The following CELF2 variants were observed in gnomAD, a reference collection of about 807,000 sequenced individuals.
CELF2 encodes CUGBP Elav-like family member 2.
In CELF2, 8 loss-of-function variants were observed where a neutral mutation model predicts 62.6. That is an observed-to-expected ratio of 0.13 (90% CI 0.07 to 0.23). The LOEUF is 0.23. Ranked by LOEUF, CELF2 falls within the 10% of genes least tolerant of loss-of-function variation. The pLI is 1.00. For missense variants in CELF2, 333 were observed against 671.0 expected, an observed-to-expected ratio of 0.50 and a Z score of 5.56; for synonymous variants, 258 against 250.0, an observed-to-expected ratio of 1.03 and a Z score of -0.30.
At chr10:11,283,514 G>T (rs1240912260) in intron 8 of CELF2, among the ~76,000 whole-genome samples, 2 of 151,400 alleles carry the variant, frequency 1.3e-5, no homozygotes, top group African/African-American at 4.8e-5. Context: ...GTGGATAATG[G>T]ATGGATGGGT....
At chr10:10,578,942 G>A in the CELF2 span, among the ~76,000 whole-genome samples, 1 of 152,094 alleles carries the variant, frequency 6.6e-6, no homozygotes, top group African/African-American at 2.4e-5. Flanking sequence ...TGCATGTTGG[G>A]ACTCTTCAAC....
intron 1 of CELF2, among the ~76,000 whole-genome samples, chr10:10,881,345 T>A (rs1436069911): frequency 6.6e-6 from 1 of 152,224 alleles, no homozygotes; most frequent in Non-Finnish European, 1.5e-5. Context: ...GCGTACAGAA[T>A]TCATGAGTAA....
At chr10:11,016,657 G>T (rs140599124), upstream of CELF2, among the ~76,000 whole-genome samples, 4 of 152,262 alleles carry the variant, frequency 2.6e-5, no homozygotes, top group Admixed American at 2.6e-4. The surrounding 1 kb of genome is among the most constrained non-coding windows in gnomAD (Gnocchi z 5.2). Context: ...TTTGTAACTT[G>T]GTTGTTTAAC....
At chr10:11,149,571 G>A (rs530832770) in intron 1 of CELF2, among the ~76,000 whole-genome samples, 2 of 152,246 alleles carry the variant, frequency 1.3e-5, no homozygotes, top group African/African-American at 2.4e-5. Flanking sequence ...AAGTAAACCC[G>A]AGGCTTTGCG....
intron 1 of CELF2, among the ~76,000 whole-genome samples, chr10:11,150,601 A>G (rs1439485464): frequency 6.6e-6 from 1 of 152,260 alleles, no homozygotes; most frequent in Non-Finnish European, 1.5e-5. Context: ...CTTCCAGATC[A>G]GCAGTTGAGC....
chr10:10,585,319 C>A, the CELF2 span, among the ~76,000 whole-genome samples: 1 of 152,132 alleles, frequency 6.6e-6, no homozygotes, highest in Non-Finnish European at 1.5e-5. Context: ...ACACAGAGTT[C>A]CAGGACTGGC....
At chr10:11,026,003 T>A (rs1317912861) in intron 1 of CELF2, among the ~76,000 whole-genome samples, 1 of 152,230 alleles carries the variant, frequency 6.6e-6, no homozygotes, top group Non-Finnish European at 1.5e-5. Flanking sequence ...GGGGGCTTCT[T>A]CTGTTTCTCA....
chr10:11,278,855 C>G (rs1408381908), intron 8 of CELF2, among the ~76,000 whole-genome samples: 7 of 152,168 alleles, frequency 4.6e-5, no homozygotes. Context: ...ACCGCATGGC[C>G]GGGCAACTGA....
chr10:10,897,214 G>T (rs542716054), intron 1 of CELF2, among the ~76,000 whole-genome samples: 69 of 152,268 alleles, frequency 4.5e-4, no homozygotes, highest in African/African-American at 1.7e-3. Flanking sequence ...TAGATTGTTG[G>T]TAGAAATTAG....
chr10:10,832,773 A>G (rs953559445), intron 1 of CELF2, among the ~76,000 whole-genome samples: 2 of 152,186 alleles, frequency 1.3e-5, no homozygotes, highest in Admixed American at 1.3e-4. Flanking sequence ...AAATGGAAAT[A>G]CTTGCATAAA....
At chr10:10,747,002 C>G in the CELF2 span, among the ~76,000 whole-genome samples, 1 of 152,204 alleles carries the variant, frequency 6.6e-6, no homozygotes, top group Non-Finnish European at 1.5e-5. Flanking sequence ...AGAAAAGCAC[C>G]TACCTAGGCT....
At chr10:11,181,428 T>C (rs1218173166) in intron 2 of CELF2, among the ~76,000 whole-genome samples, 1 of 152,238 alleles carries the variant, frequency 6.6e-6, no homozygotes, top group Non-Finnish European at 1.5e-5. Flanking sequence ...TTTGTTCAAG[T>C]ACACTGAATT....
chr10:10,705,639 A>G, the CELF2 span, among the ~76,000 whole-genome samples: 3 of 152,158 alleles, frequency 2.0e-5, no homozygotes, highest in Admixed American at 6.5e-5. Context: ...TTGGGTTTGT[A>G]TCTTTCCCCC....
chr10:11,293,285 T>G (rs2092754485), intron 9 of CELF2, among the ~76,000 whole-genome samples: 1 of 152,256 alleles, frequency 6.6e-6, no homozygotes. Context: ...AAAGCGTTTC[T>G]AATGCACATT....
chr10:10,666,629 G>A, the CELF2 span, among the ~76,000 whole-genome samples: 1 of 75,980 alleles, frequency 1.3e-5, no homozygotes, highest in Non-Finnish European at 2.5e-5. Flanking sequence ...TTGGGAGGCC[G>A]AGGCGGGCGG....
At chr10:10,750,496 C>T in the CELF2 span, among the ~76,000 whole-genome samples, 3 of 152,188 alleles carry the variant, frequency 2.0e-5, no homozygotes, top group Non-Finnish European at 4.4e-5. Context: ...GGGTCAGGCA[C>T]TCTTTTAAGT....
At chr10:10,929,848 A>T (rs2065893490) in intron 2 of CELF2, among the ~76,000 whole-genome samples, 1 of 152,250 alleles carries the variant, frequency 6.6e-6, no homozygotes. Flanking sequence ...GAGTTTAATT[A>T]TGCAGTGCCT....
At chr10:10,512,581 T>G in the CELF2 span, among the ~76,000 whole-genome samples, 8 of 128,390 alleles carry the variant, frequency 6.2e-5, no homozygotes, top group Admixed American at 3.8e-4. Flanking sequence ...CCGGCTAACT[T>G]TTTTTGTATT....
chr10:10,691,096 G>A, the CELF2 span, among the ~76,000 whole-genome samples: 29 of 151,986 alleles, frequency 1.9e-4, no homozygotes, highest in Admixed American at 5.9e-4. Flanking sequence ...ATGCTGGTGC[G>A]CTGCACCCAC....
Sources: gnomAD v4.1 joint callset for allele counts (sites outside exome capture counted in the v4.1 genomes callset) on GRCh38, gnomAD v4.1.1 for gene constraint, Gnocchi (gnomAD v3.1) non-coding constraint, MANE v1.5 for transcripts, NCBI Gene and HGNC (gene_info 2026-07-23, HGNC 2026-07-21) for gene names.